The following C8orf76 variants were observed in gnomAD, a reference collection of about 807,000 sequenced individuals.
C8orf76 encodes uncharacterized protein C8orf76.
In C8orf76, 46 loss-of-function variants were observed where a neutral mutation model predicts 38.1. The observed-to-expected ratio is 1.21, with a 90% CI of 0.95 to 1.54. The LOEUF (loss-of-function observed/expected upper bound fraction) is 1.54, where lower values mean the gene tolerates loss of function less well. Among genes scored for constraint, C8orf76 ranks in the 40% most tolerant of loss-of-function variants. The pLI is 0.00. For synonymous variants in C8orf76, 166 were observed against 167.5 expected, an observed-to-expected ratio of 0.99 and a Z score of 0.07; for missense variants, 461 against 441.6, an observed-to-expected ratio of 1.04 and a Z score of -0.39.
chr8:123,241,365 G>C lies in C8orf76; in HGVS notation c.-19C>G, dbSNP rs760000812. 12 of 1,543,062 alleles carry C rather than the reference G, an allele frequency of 7.8e-6. No homozygotes were observed. The highest frequency in any genetic ancestry group is 1.0e-5 in the Non-Finnish European group (12 of 1,154,382). On this transcript the variant is annotated 5_prime_UTR_variant, in exon 1 of 6. Coordinates refer to ENST00000276704, the MANE Select transcript of C8orf76 (RefSeq NM_032847.3). The stretch of plus-strand genomic sequence containing the variant: ...AATCCATCTCGCGCCCGCGGCGGGG[G>C]CAACGAGGAAGCGGGGCCCGCCGGA...
chr8:123,235,141 A>G (rs1825415136), intron 3 of C8orf76, among the ~76,000 whole-genome samples: 1 of 152,214 alleles, frequency 6.6e-6, no homozygotes, highest in African/African-American at 2.4e-5. Flanking sequence ...GTCACTTACT[A>G]CCAGAAAGCC....
intron 4 of C8orf76, among the ~76,000 whole-genome samples, chr8:123,227,788 T>A (rs1282443448): frequency 4.6e-5 from 7 of 151,834 alleles, no homozygotes; most frequent in Non-Finnish European, 1.5e-5. Context: ...TGGAAAGAAA[T>A]GCGGAATTGA....
chr8:123,222,902 A>G (rs1824927571), intron 5 of C8orf76, among the ~76,000 whole-genome samples: 1 of 152,252 alleles, frequency 6.6e-6, no homozygotes, highest in African/African-American at 2.4e-5. Context: ...TAGAGGATAT[A>G]TAAATTGAAC....
At chr8:123,241,094 G>C (rs1002222461) in intron 1 of C8orf76, 136 bp downstream of exon 1, 1 of 857,004 alleles carries the variant, frequency 1.2e-6, no homozygotes, top group Non-Finnish European at 1.7e-6. Context: ...GAGGAGGGAC[G>C]GCGGGGGACG....
Position 123,231,757 on chromosome 8 carries a change from C to T in C8orf76, c.358G>A (p.Glu120Lys). ...TGGTCTGTGTTGGTTGCTTTATTTT[C>T]CTAAGGAGAAAAAAAAAAGGTTAAG... ...MEALEIAANLENKATNTDHLT... is the reference protein window; with the variant it reads ...MEALEIAANLKNKATNTDHLT... The change falls in exon 4 of 6, where the codon GAA (glutamate) becomes AAA (lysine). Residue 120 changes from glutamate (E) to lysine (K), a missense_variant and splice_region_variant. Glu to Lys is a moderately conservative substitution (Grantham distance 56, BLOSUM62 1). Transcript: ENST00000276704. The T allele has an allele frequency of 6.4e-7, 1 of 1,553,520 alleles. No individual in the cohort carries two copies. Among genetic ancestry groups the T allele is most frequent in the Non-Finnish European group, 8.6e-7 (1 of 1,160,276 alleles).
In C8orf76 at chr8:123,220,070, C is replaced by T. The variant is rs780653353; in HGVS notation, c.*33G>A. On this transcript the variant is annotated 3_prime_UTR_variant, in exon 6 of 6. Transcript: ENST00000276704. ...GTAAACAAGGACAATTAATACAGTA[C>T]AAGATATTTGTGGTTTTGTTTTTTA... 2 of 1,333,786 alleles carry T rather than the reference C, an allele frequency of 1.5e-6. No individual in the cohort carries two copies. The highest frequency in any genetic ancestry group is 1.1e-6 in the Non-Finnish European group (1 of 947,954). The allele number at this position is 1,333,786 out of a possible 1,614,324, so 82.6% of individuals were successfully genotyped here. A position where few individuals can be genotyped will look rare whatever the true frequency, so the allele number is the denominator to read the frequency against.
chr8:123,241,215 G>GC lies in C8orf76; in HGVS notation c.117+14dup, dbSNP rs754753267. Reference sequence around the variant, plus strand: ...CTGGGGCCCGGGATAAGGCGAAGAGGCCCCAGCTTCTCACCTGCGGCTCGC... The same window carrying GC: ...CTGGGGCCCGGGATAAGGCGAAGAGGCCCCCAGCTTCTCACCTGCGGCTCGC... On this transcript the variant is annotated intron_variant, in intron 1 of 5. Coordinates refer to ENST00000276704, the MANE Select transcript of C8orf76 (RefSeq NM_032847.3). 1 of 1,580,498 alleles carries GC rather than the reference G, an allele frequency of 6.3e-7. No individual in the cohort carries two copies. Among genetic ancestry groups the GC allele is most frequent in the Non-Finnish European group, 8.6e-7 (1 of 1,168,206 alleles).
At chr8:123,234,763 C>T (rs1401972479) in intron 3 of C8orf76, among the ~76,000 whole-genome samples, 3 of 150,088 alleles carry the variant, frequency 2.0e-5, no homozygotes, top group Non-Finnish European at 4.4e-5. Context: ...TGCGAGACTC[C>T]ATCTAAAAAA....
intron 3 of C8orf76, among the ~76,000 whole-genome samples, chr8:123,235,880 A>C (rs1825454053): frequency 6.6e-6 from 1 of 152,232 alleles, no homozygotes; most frequent in Non-Finnish European, 1.5e-5. Context: ...AGCGAGCAGG[A>C]CAGTAGTAAA....
chr8:123,226,571 T>C lies in C8orf76; in HGVS notation c.877A>G (p.Thr293Ala), dbSNP rs758891898. The C allele has an allele frequency of 1.2e-6, 2 of 1,612,940 alleles. No homozygotes were observed. Among genetic ancestry groups the C allele is most frequent in the Admixed American group, 3.4e-5 (2 of 59,578 alleles). ...ATTTTATCTTCAATTTCCTGCTGAG[T>C]CCTTAAGTTCCTCTCCAAAGCAAAC... Reference protein sequence around the residue: ...TSFALERNLRTQQEIEDKMKG... With the variant: ...TSFALERNLRAQQEIEDKMKG... The change falls in exon 5 of 6, where the codon ACT becomes GCT. Residue 293 changes from threonine to alanine, a missense_variant. Transcript: ENST00000276704.
intron 4 of C8orf76, among the ~76,000 whole-genome samples, chr8:123,229,720 T>C (rs1825174583): frequency 6.6e-6 from 1 of 152,186 alleles, no homozygotes; most frequent in Non-Finnish European, 1.5e-5. Context: ...GAATACATTT[T>C]AAAATTTGCC....
intron 3 of C8orf76, among the ~76,000 whole-genome samples, chr8:123,233,630 C>T (rs1825355092): frequency 1.3e-5 from 2 of 152,010 alleles, no homozygotes; most frequent in African/African-American, 2.4e-5. Flanking sequence ...TCCTGACCTT[C>T]GCCCACCTCG....
At chr8:123,227,826 C>A (rs922117991) in intron 4 of C8orf76, among the ~76,000 whole-genome samples, 1 of 152,064 alleles carries the variant, frequency 6.6e-6, no homozygotes, top group South Asian at 2.1e-4. Flanking sequence ...GCCATCCGGG[C>A]GTTTCAGAAA....
At chr8:123,226,236 T>G in intron 5 of C8orf76, 3 of 1,321,034 alleles carry the variant, frequency 2.3e-6, no homozygotes, top group Non-Finnish European at 2.9e-6. Context: ...CAAACAATTA[T>G]TGGGCATTGA....
chr8:123,236,036 C>G (rs1825463087), intron 3 of C8orf76, among the ~76,000 whole-genome samples: 1 of 152,172 alleles, frequency 6.6e-6, no homozygotes, highest in African/African-American at 2.4e-5. Context: ...AGCTTAAGCA[C>G]TAACCCCCAA....
intron 5 of C8orf76, among the ~76,000 whole-genome samples, chr8:123,224,962 G>T (rs904978427): frequency 2.0e-5 from 3 of 152,142 alleles, no homozygotes; most frequent in Admixed American, 6.6e-5. Flanking sequence ...GCTTCCTGGA[G>T]GATGTGGAAC....
intron 3 of C8orf76, among the ~76,000 whole-genome samples, chr8:123,235,159 T>TAG (rs1407538324): frequency 6.6e-6 from 1 of 152,168 alleles, no homozygotes; most frequent in Non-Finnish European, 1.5e-5. Context: ...GCCATTTTCT[T>TAG]ACCACAGTTA....
At chr8:123,238,954 T>G (rs781302288) in intron 2 of C8orf76, 95 bp downstream of exon 2, 3 of 1,296,268 alleles carry the variant, frequency 2.3e-6, no homozygotes, top group Non-Finnish European at 3.3e-6. Flanking sequence ...AAACTCATCT[T>G]CATAAACACC....
At chr8:123,236,782 T>TC (rs1452087340) in intron 3 of C8orf76, 6 of 487,994 alleles carry the variant, frequency 1.2e-5, no homozygotes, top group African/African-American at 2.2e-5. Context: ...AGACTCTGTC[T>TC]CAAAAAAAAA....
Sources: gnomAD v4.1 joint callset for allele counts (sites outside exome capture counted in the v4.1 genomes callset) on GRCh38, gnomAD v4.1.1 for gene constraint, MANE v1.5 for transcripts, NCBI Gene and HGNC (gene_info 2026-07-23, HGNC 2026-07-21) for gene names.